Variants in SCAP observed in about 807,000 individuals in gnomAD.
SCAP encodes SREBF chaperone.
SCAP carries 65 observed loss-of-function variants against 123.6 expected under a neutral mutation model. The ratio of observed to expected loss-of-function variants is 0.53; its 90% CI spans 0.43 to 0.65. The LOEUF is 0.65. Ranked by LOEUF, SCAP falls within the 30% of genes least tolerant of loss-of-function variation. The pLI, the probability that SCAP is intolerant of heterozygous loss-of-function variation, is 0.00. For synonymous variants in SCAP, 740 were observed against 726.3 expected (o/e 1.02, Z -0.30); for missense variants, 1,398 against 1,712.5 (o/e 0.82, Z 3.24).
chr3:47,421,985 G>T (rs1705922025), intron 10 of SCAP, among the ~76,000 whole-genome samples: 1 of 152,282 alleles, frequency 6.6e-6, no homozygotes, highest in African/African-American at 2.4e-5. Context: ...GCCAGGCAAG[G>T]CCATGCGTCT....
At chr3:47,432,880 GACA>G (rs904960080) in intron 3 of SCAP, among the ~76,000 whole-genome samples, 9 of 152,122 alleles carry the variant, frequency 5.9e-5, no homozygotes, top group Non-Finnish European at 7.3e-5. Flanking sequence ...GCAAGGTGCT[GACA>G]ACAACAATGA....
At chr3:47,461,520 C>G (rs1707639835) in intron 1 of SCAP, among the ~76,000 whole-genome samples, 1 of 152,170 alleles carries the variant, frequency 6.6e-6, no homozygotes, top group African/African-American at 2.4e-5. Context: ...GAACAGAAAG[C>G]TACCAGATTT....
At chr3:47,462,753 CAAAA>C (rs369097240) in intron 1 of SCAP, among the ~76,000 whole-genome samples, 4 of 79,644 alleles carry the variant, frequency 5.0e-5, no homozygotes, top group African/African-American at 2.0e-4. Flanking sequence ...AACTCCGTCT[CAAAA>C]AAAAAAAAAA....
At chr3:47,432,302 A>C (rs1576275131) in intron 3 of SCAP, among the ~76,000 whole-genome samples, 1 of 147,708 alleles carries the variant, frequency 6.8e-6, no homozygotes, top group African/African-American at 2.5e-5. Flanking sequence ...AGCGAAAGCA[A>C]GACTCCGTCT....
intron 10 of SCAP, 184 bp from the exon 11 acceptor site, chr3:47,421,213 C>G (rs1208386276): frequency 3.2e-6 from 2 of 626,220 alleles, no homozygotes; most frequent in Non-Finnish European, 5.8e-6. Context: ...CCCGTCTCCA[C>G]CAGGGGGCAG....
In SCAP at chr3:47,418,403, C is replaced by T. The variant is rs566797657; in HGVS notation, c.2249G>A (p.Arg750His). 2.0e-5 allele frequency: 31 copies of T among 1,575,164 alleles called. No individual in the cohort carries two copies. The highest frequency in any genetic ancestry group is 2.7e-5 in the African/African-American group (2 of 74,322). Reference sequence around the variant, plus strand: ...GTAGTCGTCGCAGGGCAGCTCCCCGCGCCTCCGCCGCCCGGGCCCACCACC... The same window carrying T: ...GTAGTCGTCGCAGGGCAGCTCCCCGTGCCTCCGCCGCCCGGGCCCACCACC... The part of the protein sequence containing the change: ...QLGGGPGRRR[R>H]GELPCDDYGY... Residue 750 changes from arginine (R) to histidine (H), a missense_variant, in exon 15 of 23, where the codon CGC (arginine) becomes CAC (histidine). Transcript: ENST00000265565.
rs757074836 is a variant in SCAP, at chr3:47,414,426, A to G, written c.3388-40T>C. The G allele has an allele frequency of 1.9e-6, 3 of 1,608,348 alleles. No individual in the cohort carries two copies. The Admixed American group carries it at 5.0e-5, about 27-fold the overall frequency. On this transcript the variant is annotated intron_variant, in intron 21 of 22. Transcript: ENST00000265565. ...CAGGGGAGTGGGGTCACCATGGTGT[A>G]ATACCTCTGTCAACAGTGGTGTCCC... is the stretch of plus-strand genomic sequence containing the variant.
At chr3:47,452,293 G>A (rs1707255918) in intron 1 of SCAP, among the ~76,000 whole-genome samples, 1 of 152,152 alleles carries the variant, frequency 6.6e-6, no homozygotes, top group African/African-American at 2.4e-5. Context: ...GGAGACTGAG[G>A]TGGGACAATC....
chr3:47,428,619 C>T lies in SCAP; in HGVS notation c.304G>A (p.Val102Met). The change falls in exon 4 of 23, where the codon GTG (valine) becomes ATG (methionine). Residue 102 changes from valine (V) to methionine (M), a missense_variant. Val to Met is a conservative substitution (Grantham distance 21). Around this residue, in one of 7 missense-constraint regions of SCAP, gnomAD observed 319 missense variants for 432.4 expected, o/e 0.74. Coordinates refer to ENST00000265565, the MANE Select transcript of SCAP (RefSeq NM_012235.4). ...YVQQIFVKSSVFPWHKNLLAV... is the reference protein window; with the variant it reads ...YVQQIFVKSSMFPWHKNLLAV... Reference sequence around the variant, plus strand: ...AGGAGGTTCTTGTGCCAGGGAAACACTGAGGACTTCACAAATATCTGCTGG... The same window carrying T: ...AGGAGGTTCTTGTGCCAGGGAAACATTGAGGACTTCACAAATATCTGCTGG... The T allele has an allele frequency of 6.2e-7, 1 of 1,614,172 alleles. No individual in the cohort carries two copies. Among genetic ancestry groups the T allele is most frequent in the Non-Finnish European group, 8.5e-7 (1 of 1,180,040 alleles).
At position 47,432,131 on chromosome 3, in the gene SCAP, A is replaced by T. The variant is rs1706382669; in HGVS notation, c.252+2877T>A. Reference sequence around the variant, plus strand: ...CAGGAGATCAAGACCATCCTGGCCAACATGGTGAAACCCCGTCTCTACTAA... The same window carrying T: ...CAGGAGATCAAGACCATCCTGGCCATCATGGTGAAACCCCGTCTCTACTAA... On this transcript the variant is annotated intron_variant, in intron 3 of 22. Transcript: ENST00000265565. Among the ~76,000 whole-genome samples, 3 of 152,062 alleles carry T rather than the reference A, an allele frequency of 2.0e-5. No homozygotes were observed. In the South Asian group the frequency reaches 6.2e-4, roughly 32 times the overall value.
intron 1 of SCAP, among the ~76,000 whole-genome samples, chr3:47,465,456 A>G (rs1449250791): frequency 6.6e-6 from 1 of 152,208 alleles, no homozygotes; most frequent in African/African-American, 2.4e-5. Context: ...TCAAAATGCA[A>G]TGCAATCCCT....
chr3:47,441,874 CTTTT>C (rs1160447716), intron 2 of SCAP, among the ~76,000 whole-genome samples: 5 of 76,412 alleles, frequency 6.5e-5, no homozygotes, highest in Non-Finnish European at 1.2e-4. Flanking sequence ...GTTCATCTTT[CTTTT>C]TTTTTTTTTT....
At chr3:47,427,126 AG>A (rs1230765142) in intron 6 of SCAP, 30 bp downstream of exon 6, 1 of 1,498,866 alleles carries the variant, frequency 6.7e-7, no homozygotes, top group Non-Finnish European at 9.3e-7. Context: ...CCAGCAGACC[AG>A]TCAAGAGCCC....
intron 1 of SCAP, among the ~76,000 whole-genome samples, chr3:47,472,448 A>T (rs562057646): frequency 3.0e-3 from 235 of 77,738 alleles, no homozygotes; most frequent in South Asian, 0.021. Context: ...CTCAAAAAAA[A>T]AAAATAAAAT....
At position 47,417,556 on chromosome 3, in the gene SCAP, G is replaced by A. The variant is rs1486771561; in HGVS notation, c.2718C>T (p.Asp906=). The change falls in exon 17 of 23, where the codon GAC becomes GAT. Residue 906 remains aspartate, a synonymous_variant. Transcript: ENST00000265565. ...RHRAVCGRSR[D]SPGYDFSCLV... is the part of the protein sequence containing the mutation. ...GGCAGCTGAAGTCATAGCCTGGGGA[G>A]TCCCGAGAGCGGCCACAGACCGCCC... 7 of 1,579,500 alleles carry A rather than the reference G, an allele frequency of 4.4e-6. No individual in the cohort carries two copies. Among genetic ancestry groups the A allele is most frequent in the Non-Finnish European group, 6.0e-6 (7 of 1,163,702 alleles).
At chr3:47,443,593 C>T (rs997638695) in intron 1 of SCAP, among the ~76,000 whole-genome samples, 12 of 152,152 alleles carry the variant, frequency 7.9e-5, no homozygotes, top group African/African-American at 2.4e-4. Flanking sequence ...GAAGGTCTAG[C>T]GAGGTCAGCC....
intron 10 of SCAP, 163 bp from the exon 11 acceptor site, chr3:47,421,192 C>CA: frequency 1.6e-6 from 1 of 643,464 alleles, no homozygotes; most frequent in Admixed American, 2.5e-5. Flanking sequence ...CACATACCAG[C>CA]AGCAGCTCAC....
chr3:47,460,194 C>T (rs751010401), intron 1 of SCAP, among the ~76,000 whole-genome samples: 1 of 152,140 alleles, frequency 6.6e-6, no homozygotes, highest in Non-Finnish European at 1.5e-5. Flanking sequence ...TTCAAACACA[C>T]GTTTTACAAT....
chr3:47,425,906 C>T lies in SCAP; in HGVS notation c.910+91G>A, dbSNP rs1047712909. ...CACCAGGTGTGTTCTATCTCTCTAC[C>T]CCAAGCCACCTCCAGAGCCAGGGAA... On this transcript the variant is annotated intron_variant, in intron 7 of 22. Transcript: ENST00000265565. 1.2e-5 allele frequency: 17 copies of T among 1,445,168 alleles called. No individual in the cohort carries two copies. The East Asian group carries it at 2.6e-4, about 22-fold the overall frequency. The allele number at this position is 1,445,168 out of a possible 1,614,324, so 89.5% of individuals were successfully genotyped here.
Sources: allele counts gnomAD v4.1 joint callset (sites outside exome capture counted in the v4.1 genomes callset), GRCh38; gene constraint gnomAD v4.1.1; regional missense constraint gnomAD v4.1.1; transcripts MANE v1.5; gene names NCBI Gene and HGNC (gene_info 2026-07-23, HGNC 2026-07-21).